The following SUPT3H variants were observed in gnomAD, a reference collection of about 807,000 sequenced individuals.
SUPT3H encodes SPT3 homolog, SAGA and STAGA complex component.
A neutral mutation model predicts 44.3 loss-of-function variants in SUPT3H; 44 were observed. The observed-to-expected ratio is 0.99, with a 90% CI of 0.78 to 1.28. SUPT3H has a LOEUF of 1.28. SUPT3H is among the 50% of genes most tolerant of loss of function. The probability of loss-of-function intolerance (pLI) is 0.00; values close to 1 mark genes in which losing one functional copy is unlikely to be tolerated. For synonymous variants in SUPT3H, 124 were observed against 125.6 expected, an observed-to-expected ratio of 0.99 and a Z score of 0.09; for missense variants, 380 against 387.1, an observed-to-expected ratio of 0.98 and a Z score of 0.15.
Position 45,152,125 on chromosome 6 carries a change from A to G in SUPT3H, c.102-46119T>C, listed in dbSNP as rs535435551. ...TTCTGGACTCTCTGATCCCACTGCTAACTTGGTATCATAAACAGAACACAC... is the reference window on the plus strand; with the variant it reads ...TTCTGGACTCTCTGATCCCACTGCTGACTTGGTATCATAAACAGAACACAC... On this transcript the variant is annotated intron_variant, in intron 2 of 10. Transcript: ENST00000371459. Among the ~76,000 whole-genome samples, 280 of 152,184 alleles carry G rather than the reference A, an allele frequency of 1.8e-3. 1 individual carries two copies. Among genetic ancestry groups the G allele is most frequent in the African/African-American group, 6.2e-3 (259 of 41,524 alleles).
intron 2 of SUPT3H, among the ~76,000 whole-genome samples, chr6:45,301,617 T>G (rs1212781887): frequency 2.0e-5 from 3 of 152,090 alleles, no homozygotes; most frequent in Non-Finnish European, 4.4e-5. Flanking sequence ...TCCCTAAAAA[T>G]CCTGTTTATA....
At position 45,376,250 on chromosome 6, in the gene SUPT3H, C is replaced by T. The variant is rs537355338; in HGVS notation, c.-1+1518G>A. ...TGAACTGCAGTATTTGAATGAAAGG[C>T]ATTATTTGAATATAATTACAATTCC... On this transcript the variant is annotated intron_variant, in intron 1 of 10. Coordinates refer to ENST00000371459, the MANE Select transcript of SUPT3H (RefSeq NM_003599.4). Among the ~76,000 whole-genome samples the T allele has an allele frequency of 5.3e-5, 8 of 152,280 alleles. No individual in the cohort carries two copies. The East Asian group carries it at 1.5e-3, about 29-fold the overall frequency.
chr6:45,306,509 A>G lies in SUPT3H; in HGVS notation c.101+58692T>C, dbSNP rs538611818. Among the ~76,000 whole-genome samples the G allele has an allele frequency of 2.6e-5, 4 of 152,318 alleles. No homozygotes were observed. The South Asian group carries it at 8.3e-4, about 32-fold the overall frequency. On this transcript the variant is annotated intron_variant, in intron 2 of 10. Coordinates refer to ENST00000371459, the MANE Select transcript of SUPT3H (RefSeq NM_003599.4). ...TGTACCCTAACCAACAAGCGCCCTC[A>G]TAAGGTGAAGGTCTTTCCATAGCAA...
intron 2 of SUPT3H, among the ~76,000 whole-genome samples, chr6:45,254,261 C>CAA: frequency 6.6e-6 from 1 of 152,208 alleles, no homozygotes; most frequent in African/African-American, 2.4e-5. Flanking sequence ...CACTGACAAA[C>CAA]ACAGGATAGA....
intron 6 of SUPT3H, among the ~76,000 whole-genome samples, chr6:44,971,917 C>T (rs187199143): frequency 6.2e-4 from 95 of 152,208 alleles, no homozygotes; most frequent in Non-Finnish European, 1.1e-3. Context: ...GGACAACAGG[C>T]GCCTGCCACC....
intron 2 of SUPT3H, among the ~76,000 whole-genome samples, chr6:45,306,855 G>A (rs1175525468): frequency 6.6e-6 from 1 of 152,218 alleles, no homozygotes; most frequent in African/African-American, 2.4e-5. Context: ...CACCCTGGAA[G>A]TGCAAGGGGT....
chr6:45,121,823 C>T (rs1374154105), intron 2 of SUPT3H, among the ~76,000 whole-genome samples: 1 of 151,796 alleles, frequency 6.6e-6, no homozygotes, highest in Non-Finnish European at 1.5e-5. Flanking sequence ...TTACAGGCAC[C>T]CGCCACCACG....
At chr6:45,015,952 T>C (rs778518338) in intron 4 of SUPT3H, among the ~76,000 whole-genome samples, 3 of 151,986 alleles carry the variant, frequency 2.0e-5, no homozygotes, top group Non-Finnish European at 4.4e-5. Context: ...TTTTTATTGG[T>C]ATATCTCATG....
chr6:44,832,906 C>A (rs1769117090), intron 10 of SUPT3H, among the ~76,000 whole-genome samples: 1 of 151,992 alleles, frequency 6.6e-6, no homozygotes, highest in African/African-American at 2.4e-5. Flanking sequence ...ACATTTAAAT[C>A]CCATAGTGGT....
intron 10 of SUPT3H, among the ~76,000 whole-genome samples, chr6:44,892,250 A>C (rs1422417217): frequency 1.3e-5 from 2 of 152,068 alleles, no homozygotes; most frequent in Non-Finnish European, 2.9e-5. Context: ...ATGAGCTCAT[A>C]TGGTTAGGGC....
intron 10 of SUPT3H, among the ~76,000 whole-genome samples, chr6:44,888,002 T>G (rs1435235262): frequency 6.6e-6 from 1 of 152,130 alleles, no homozygotes; most frequent in Non-Finnish European, 1.5e-5. Flanking sequence ...TCTACACAAA[T>G]AAACTAGAAA....
chr6:45,098,856 T>G, intron 3 of SUPT3H: 2 of 549,456 alleles, frequency 3.6e-6, no homozygotes, highest in Non-Finnish European at 7.3e-6. Flanking sequence ...CAGAAGTGGC[T>G]GCTGAGAAGT....
chr6:45,231,322 G>T (rs541011224), intron 2 of SUPT3H, among the ~76,000 whole-genome samples: 3 of 152,264 alleles, frequency 2.0e-5, no homozygotes, highest in Admixed American at 1.3e-4. Flanking sequence ...GTCTGGAAAA[G>T]ACTTTATTTA....
At chr6:45,054,857 A>G (rs1254296794) in intron 3 of SUPT3H, among the ~76,000 whole-genome samples, 2 of 152,130 alleles carry the variant, frequency 1.3e-5, no homozygotes, top group Non-Finnish European at 2.9e-5. Context: ...GTGTGCCCTA[A>G]TATACATACA....
chr6:44,820,034 G>GC (rs1767186942), intron 11 of SUPT3H, among the ~76,000 whole-genome samples: 1 of 151,786 alleles, frequency 6.6e-6, no homozygotes, highest in South Asian at 2.1e-4. Context: ...ACCAGCCTGG[G>GC]CAACGTGGTG....
intron 2 of SUPT3H, among the ~76,000 whole-genome samples, chr6:45,311,968 C>G (rs917017801): frequency 6.6e-6 from 1 of 152,026 alleles, no homozygotes; most frequent in African/African-American, 2.4e-5. Context: ...GCAAGGGTAC[C>G]TCACATTTCA....
intron 2 of SUPT3H, among the ~76,000 whole-genome samples, chr6:45,193,047 T>C (rs1013166688): frequency 6.6e-6 from 1 of 152,124 alleles, no homozygotes; most frequent in Non-Finnish European, 1.5e-5. Context: ...ACAGCACCCA[T>C]AGAGTTCCAA....
intron 6 of SUPT3H, among the ~76,000 whole-genome samples, chr6:44,995,877 A>C (rs531334151): frequency 1.3e-5 from 2 of 152,004 alleles, no homozygotes; most frequent in South Asian, 4.2e-4. Flanking sequence ...TAAATTCAAT[A>C]AACTTGTAAA....
intron 2 of SUPT3H, among the ~76,000 whole-genome samples, chr6:45,127,188 T>C (rs530458198): frequency 6.6e-6 from 1 of 152,098 alleles, no homozygotes; most frequent in Admixed American, 6.6e-5. Context: ...GTGGCGTGTG[T>C]CTGTAATCCT....
Sources: gnomAD v4.1 joint callset for allele counts (sites outside exome capture counted in the v4.1 genomes callset) on GRCh38, gnomAD v4.1.1 for gene constraint, MANE v1.5 for transcripts, NCBI Gene and HGNC (gene_info 2026-07-23, HGNC 2026-07-21) for gene names.